The following TATDN1 variants were observed in gnomAD, a reference collection of about 807,000 sequenced individuals.
The protein encoded by TATDN1 is TatD DNase domain containing 1, also known as deoxyribonuclease TATDN1.
In TATDN1, 40 loss-of-function variants were observed where a neutral mutation model predicts 46.4. The observed-to-expected ratio is 0.86, with a 90% confidence interval of 0.67 to 1.12. TATDN1 has a LOEUF of 1.12. TATDN1 is among the 50% of genes most tolerant of loss of function. TATDN1 has a pLI of 0.00. For synonymous variants in TATDN1, 95 were observed against 105.6 expected (o/e 0.90, Z 0.62); for missense variants, 326 against 348.4 (o/e 0.94, Z 0.51).
intron 9 of TATDN1, among the ~76,000 whole-genome samples, chr8:124,502,340 C>CA (rs1278936566): frequency 0.17 from 10,751 of 64,486 alleles, 518 homozygotes; most frequent in Middle Eastern, 0.29. Context: ...GAGTCCCTCT[C>CA]AAAAAAAAAA....
At chr8:124,528,364 G>T (rs894169280) in intron 1 of TATDN1, among the ~76,000 whole-genome samples, 3 of 152,182 alleles carry the variant, frequency 2.0e-5, no homozygotes, top group Admixed American at 2.0e-4. Context: ...TAGTAGAGAC[G>T]GGGTTTCACC....
rs141560155 is a variant in TATDN1 at position 124,488,695 on chromosome 8, G to C, written c.793C>G (p.Gln265Glu). 7.6e-6 allele frequency: 12 copies of C among 1,585,880 alleles called. No individual in the cohort carries two copies. Among genetic ancestry groups the C allele is most frequent in the Non-Finnish European group, 1.0e-5 (12 of 1,156,312 alleles). Reference sequence around the variant, plus strand: ...ACTGCTGACATTATCTCCAATATTTGACTAAAACAAAACAAAAACAAAAAT... The same window carrying C: ...ACTGCTGACATTATCTCCAATATTTCACTAAAACAAAACAAAAACAAAAAT... ...KDRNEPCHII[Q>E]ILEIMSAVRD... Residue 265 changes from glutamine to glutamate, a missense_variant and splice_region_variant, in exon 12 of 12, where the codon CAA becomes GAA. Transcript: ENST00000276692.
At chr8:124,492,633 A>G (rs1476079892) in intron 11 of TATDN1, among the ~76,000 whole-genome samples, 1 of 151,598 alleles carries the variant, frequency 6.6e-6, no homozygotes, top group African/African-American at 2.4e-5. Flanking sequence ...ATGTGCCTAT[A>G]GTTCCAGCTA....
chr8:124,521,526 T>A (rs1586651851), intron 3 of TATDN1: 1 of 152,334 alleles, frequency 6.6e-6, no homozygotes, highest in East Asian at 1.9e-4. Context: ...TGCAAACTCA[T>A]TTAGTCAGCA....
At chr8:124,522,112 G>A in intron 3 of TATDN1, 39 bp downstream of exon 3, 1 of 1,454,810 alleles carries the variant, frequency 6.9e-7, no homozygotes, top group Non-Finnish European at 9.5e-7. Flanking sequence ...GTTAAAAAAT[G>A]AATTTTAAAA....
intron 10 of TATDN1, chr8:124,495,262 C>A (rs1817366424): frequency 5.4e-6 from 3 of 554,736 alleles, no homozygotes; most frequent in Admixed American, 3.7e-5. Flanking sequence ...AGTGCTTAGA[C>A]ATAGCAAACT....
chr8:124,502,644 A>T (rs926113397), intron 9 of TATDN1, among the ~76,000 whole-genome samples: 1 of 152,024 alleles, frequency 6.6e-6, no homozygotes, highest in East Asian at 1.9e-4. Flanking sequence ...GTCCAAATTG[A>T]AACACATGGA....
chr8:124,507,017 C>G lies in TATDN1; in HGVS notation c.516+1457G>C, dbSNP rs143908345. 8.3e-4 allele frequency among the ~76,000 whole-genome samples: 127 copies of G among 152,192 alleles called. 1 individual carries two copies. In the East Asian group the frequency reaches 0.023, roughly 28 times the overall value. On this transcript the variant is annotated intron_variant, in intron 8 of 11. Coordinates refer to ENST00000276692, the MANE Select transcript of TATDN1 (RefSeq NM_032026.4). The stretch of plus-strand genomic sequence containing the variant: ...TCTCTACTAAAAATACAAAAATTAG[C>G]TGGACGTGGTGGTGTGCACCTGTAG...
At chr8:124,500,740 T>C (rs1230013358) in intron 9 of TATDN1, among the ~76,000 whole-genome samples, 3 of 146,696 alleles carry the variant, frequency 2.0e-5, no homozygotes. Flanking sequence ...AAAGATCTTC[T>C]ACCCCCTTCT....
At chr8:124,513,783 T>A (rs1489662603) in intron 6 of TATDN1, among the ~76,000 whole-genome samples, 1 of 152,232 alleles carries the variant, frequency 6.6e-6, no homozygotes, top group African/African-American at 2.4e-5. Context: ...TTGCTTGTCA[T>A]AACACAGTCT....
chr8:124,523,673 TA>T (rs1207648678), intron 1 of TATDN1, among the ~76,000 whole-genome samples: 1 of 152,236 alleles, frequency 6.6e-6, no homozygotes, highest in African/African-American at 2.4e-5. Context: ...GTATTTTAAG[TA>T]ATCTAGACAT....
chr8:124,528,395 G>A lies in TATDN1; in HGVS notation c.23-5393C>T, dbSNP rs7018204. Among the ~76,000 whole-genome samples, 804 of 152,120 alleles carry A rather than the reference G, an allele frequency of 5.3e-3. 6 individuals are homozygous for A. Among genetic ancestry groups the A allele is most frequent in the African/African-American group, 0.018 (740 of 41,490 alleles). ...TCACCATGTTAGCCAGGATGGTCTC[G>A]ATCTCCTGACCTTGTGATCCTCCCG... On this transcript the variant is annotated intron_variant, in intron 1 of 11. Coordinates refer to ENST00000276692, the MANE Select transcript of TATDN1 (RefSeq NM_032026.4).
chr8:124,496,776 AAAGAATTT>A (rs1817501250), intron 9 of TATDN1, among the ~76,000 whole-genome samples: 1 of 152,212 alleles, frequency 6.6e-6, no homozygotes, highest in Admixed American at 6.5e-5. Flanking sequence ...TTGTTATTAC[AAAGAATTT>A]AAGATACACA....
At chr8:124,512,553 T>TA (rs1179900735) in intron 6 of TATDN1, among the ~76,000 whole-genome samples, 15 of 152,246 alleles carry the variant, frequency 9.9e-5, no homozygotes, top group African/African-American at 3.4e-4. Flanking sequence ...ATAGGCTTTT[T>TA]ATCCATGCTG....
rs534929632 is a variant in TATDN1, at chr8:124,500,780, A to G, written c.593+3491T>C. ...AAAAAAAAAAAACAAAACCAAACTT[A>G]CAGGGAGAAAACCAGGATTTTTTTA... On this transcript the variant is annotated intron_variant, in intron 9 of 11. Coordinates refer to ENST00000276692, the MANE Select transcript of TATDN1 (RefSeq NM_032026.4). 1.4e-4 allele frequency among the ~76,000 whole-genome samples: 22 copies of G among 151,764 alleles called. No homozygotes were observed. In the East Asian group the frequency reaches 3.9e-3, roughly 27 times the overall value.
chr8:124,498,903 G>A (rs946612211), intron 9 of TATDN1, among the ~76,000 whole-genome samples: 4 of 150,728 alleles, frequency 2.7e-5, no homozygotes, highest in Non-Finnish European at 5.9e-5. Flanking sequence ...GCCTGCCTCA[G>A]CCTCCTGAAG....
intron 3 of TATDN1, among the ~76,000 whole-genome samples, chr8:124,519,164 A>G (rs16899649): frequency 0.084 from 12,849 of 152,298 alleles, 819 homozygotes; most frequent in South Asian, 0.29. Context: ...TAGACAATGC[A>G]TTCCTTGAGG....
intron 11 of TATDN1, among the ~76,000 whole-genome samples, chr8:124,490,433 C>T (rs2131325381): frequency 1.3e-5 from 2 of 152,142 alleles, no homozygotes; most frequent in South Asian, 4.2e-4. Context: ...TTGCTTGAAC[C>T]TGGGAGGTGG....
intron 11 of TATDN1, among the ~76,000 whole-genome samples, chr8:124,493,621 C>G (rs1235742124): frequency 6.6e-6 from 1 of 152,200 alleles, no homozygotes; most frequent in East Asian, 1.9e-4. Context: ...CTAAGGCTTT[C>G]TTGTTACCAA....
Sources: gnomAD v4.1 joint callset for allele counts (sites outside exome capture counted in the v4.1 genomes callset) on GRCh38, gnomAD v4.1.1 for gene constraint, MANE v1.5 for transcripts, NCBI Gene and HGNC (gene_info 2026-07-23, HGNC 2026-07-21) for gene names.